Variants in RGS7 observed in about 807,000 individuals in gnomAD.
RGS7 encodes regulator of G-protein signaling 7.
Under a neutral mutation model 81.1 loss-of-function variants are expected in RGS7, and 27 were observed. The ratio of observed to expected loss-of-function variants is 0.33; its 90% CI spans 0.25 to 0.46. The LOEUF (loss-of-function observed/expected upper bound fraction) is 0.46, where lower values mean the gene tolerates loss of function less well. RGS7 is among the 20% of genes least tolerant of loss of function. The probability of loss-of-function intolerance (pLI) is 1.00; values close to 1 mark genes in which losing one functional copy is unlikely to be tolerated. For synonymous variants in RGS7, 208 were observed against 207.7 expected (o/e 1.00, Z -0.01); for missense variants, 396 against 607.4 (o/e 0.65, Z 3.66).
intron 2 of RGS7, among the ~76,000 whole-genome samples, chr1:241,272,465 T>C (rs191775288): frequency 1.3e-5 from 2 of 152,290 alleles, no homozygotes; most frequent in East Asian, 1.9e-4. Context: ...AAGCCTAGAG[T>C]GCCTTCAACT....
intron 9 of RGS7, among the ~76,000 whole-genome samples, chr1:240,858,230 T>C (rs1406514680): frequency 6.6e-6 from 1 of 152,264 alleles, no homozygotes; most frequent in Non-Finnish European, 1.5e-5. Flanking sequence ...TGAACAGAAC[T>C]TTCCTATTCA....
At chr1:241,034,277 T>A (rs1387732465) in intron 3 of RGS7, among the ~76,000 whole-genome samples, 1 of 152,214 alleles carries the variant, frequency 6.6e-6, no homozygotes, top group African/African-American at 2.4e-5. Context: ...ATAAGCCCCA[T>A]TCATACGCTT....
chr1:240,974,550 G>A (rs1365555774), intron 4 of RGS7, among the ~76,000 whole-genome samples: 1 of 152,126 alleles, frequency 6.6e-6, no homozygotes, highest in Non-Finnish European at 1.5e-5. Flanking sequence ...CCATTATGTT[G>A]CTTAGATTCA....
chr1:241,035,331 T>C (rs1349514670), intron 3 of RGS7, among the ~76,000 whole-genome samples: 1 of 148,192 alleles, frequency 6.7e-6, no homozygotes, highest in African/African-American at 2.5e-5. Context: ...ATGCAAAATT[T>C]CTCCAGGTAT....
At chr1:241,331,707 T>TGG (rs1330534584) in intron 2 of RGS7, among the ~76,000 whole-genome samples, 1 of 152,158 alleles carries the variant, frequency 6.6e-6, no homozygotes, top group Non-Finnish European at 1.5e-5. Flanking sequence ...GTAGAGCTCT[T>TGG]GACAATTTTA....
chr1:240,864,148 C>T (rs1264804258), intron 9 of RGS7, among the ~76,000 whole-genome samples: 5 of 152,128 alleles, frequency 3.3e-5, no homozygotes, highest in African/African-American at 1.2e-4. Context: ...CACTGGACTA[C>T]GAGTTTTAGG....
At chr1:240,822,921 A>G (rs1572258452) in intron 10 of RGS7, 1 of 432,892 alleles carries the variant, frequency 2.3e-6, no homozygotes, top group East Asian at 4.8e-5. Context: ...AGTAATAAAC[A>G]CCGAAATACT....
At chr1:240,775,449 T>C (rs950431825), downstream of RGS7, 2 of 152,284 alleles carry the variant, frequency 1.3e-5, no homozygotes, top group African/African-American at 4.8e-5. Context: ...TCTGCGGTAG[T>C]GGGTTGTGGA....
chr1:241,285,137 T>C (rs2078741779), intron 2 of RGS7, among the ~76,000 whole-genome samples: 2 of 152,220 alleles, frequency 1.3e-5, no homozygotes, highest in African/African-American at 4.8e-5. Context: ...CCCAAAGTGC[T>C]GGGATTACAG....
intron 3 of RGS7, among the ~76,000 whole-genome samples, chr1:241,021,546 A>T (rs1210585032): frequency 6.6e-6 from 1 of 152,202 alleles, no homozygotes; most frequent in East Asian, 1.9e-4. Flanking sequence ...AAGAATACGT[A>T]TCCAGTTTCA....
chr1:241,346,286 A>G (rs1184279654), intron 2 of RGS7, among the ~76,000 whole-genome samples: 2 of 86,580 alleles, frequency 2.3e-5, no homozygotes, highest in African/African-American at 7.6e-5. Flanking sequence ...GGTGCTTGGC[A>G]TCTGTGTTTG....
At chr1:240,921,356 A>G (rs2148302367) in intron 6 of RGS7, among the ~76,000 whole-genome samples, 1 of 152,196 alleles carries the variant, frequency 6.6e-6, no homozygotes, top group South Asian at 2.1e-4. Flanking sequence ...ATGCTTTCCC[A>G]CTAAAATAAG....
intron 14 of RGS7, 104 bp downstream of exon 14, chr1:240,811,814 T>G (rs1689899409): frequency 1.9e-6 from 2 of 1,066,622 alleles, no homozygotes; most frequent in African/African-American, 1.5e-5. Context: ...CATGACATCA[T>G]TATGATGTTA....
At chr1:240,884,142 C>T (rs548910138) in intron 6 of RGS7, among the ~76,000 whole-genome samples, 1 of 144,028 alleles carries the variant, frequency 6.9e-6, no homozygotes, top group African/African-American at 2.5e-5. Context: ...TCTAGTGTTT[C>T]TCAATCAGGG....
At chr1:240,992,052 T>C (rs1306241931) in intron 3 of RGS7, among the ~76,000 whole-genome samples, 2 of 152,170 alleles carry the variant, frequency 1.3e-5, no homozygotes, top group African/African-American at 2.4e-5. Flanking sequence ...TGTTGACAGG[T>C]AGAGATAATA....
chr1:240,945,631 G>A (rs1211441247), intron 4 of RGS7, among the ~76,000 whole-genome samples: 1 of 152,146 alleles, frequency 6.6e-6, no homozygotes, highest in South Asian at 2.1e-4. Flanking sequence ...CAAAGCCACA[G>A]GCTTGGTCAC....
At chr1:241,021,914 G>T (rs902872548) in intron 3 of RGS7, among the ~76,000 whole-genome samples, 2 of 152,142 alleles carry the variant, frequency 1.3e-5, no homozygotes, top group Non-Finnish European at 2.9e-5. Flanking sequence ...GAGAGGACCA[G>T]CAGTTGAACA....
intron 6 of RGS7, among the ~76,000 whole-genome samples, chr1:240,876,522 T>C (rs1357063437): frequency 6.6e-6 from 1 of 152,172 alleles, no homozygotes; most frequent in African/African-American, 2.4e-5. Context: ...CAGAAACCAT[T>C]TTCCACTCAG....
intron 3 of RGS7, among the ~76,000 whole-genome samples, chr1:240,989,600 T>C (rs936757005): frequency 6.6e-6 from 1 of 152,120 alleles, no homozygotes; most frequent in Non-Finnish European, 1.5e-5. Flanking sequence ...TGGTTCCCGA[T>C]GGCGTGCATT....
Sources: gnomAD v4.1 joint callset for allele counts (sites outside exome capture counted in the v4.1 genomes callset) on GRCh38, gnomAD v4.1.1 for gene constraint, MANE v1.5 for transcripts, NCBI Gene and HGNC (gene_info 2026-07-23, HGNC 2026-07-21) for gene names.